The following SNAPC5 variants were observed in gnomAD, a reference collection of about 807,000 sequenced individuals.
SNAPC5 encodes small nuclear RNA activating complex polypeptide 5, also known as snRNA-activating protein complex subunit 5.
Under a neutral mutation model 9.1 loss-of-function variants are expected in SNAPC5, and 12 were observed. That is an observed-to-expected ratio of 1.32 (90% CI 0.85 to 2.15). SNAPC5 has a LOEUF of 2.15. SNAPC5 is among the 30% of genes most tolerant of loss of function. The probability of loss-of-function intolerance (pLI) is 0.00; values close to 1 mark genes in which losing one functional copy is unlikely to be tolerated. For missense variants in SNAPC5, 132 were observed against 114.4 expected, an observed-to-expected ratio of 1.15 and a Z score of -0.70; for synonymous variants, 52 against 47.3, an observed-to-expected ratio of 1.10 and a Z score of -0.41.
Position 66,493,614 on chromosome 15 carries a change from A to G in SNAPC5, c.*822T>C, listed in dbSNP as rs1281929578. 1 of 152,176 alleles carries G rather than the reference A, an allele frequency of 6.6e-6. No individual in the cohort carries two copies. Among genetic ancestry groups the G allele is most frequent in the Non-Finnish European group, 1.5e-5 (1 of 68,062 alleles). The allele number at this position is 152,176 out of a possible 1,614,324, so 9.4% of individuals were successfully genotyped here. A position where few individuals can be genotyped will look rare whatever the true frequency, so the allele number is the denominator to read the frequency against. The stretch of plus-strand genomic sequence containing the variant: ...GGTTGCAGTGAGCCAAAATCGCGCC[A>G]TTGCACTCCAGCCTGGGCAATAAGA... On this transcript the variant is annotated 3_prime_UTR_variant, in exon 3 of 3. Coordinates refer to ENST00000316634, the MANE Select transcript of SNAPC5 (RefSeq NM_001329615.2).
chr15:66,490,317 C>T, downstream of SNAPC5: 1 of 701,880 alleles, frequency 1.4e-6, no homozygotes. Flanking sequence ...CTCACAGCTG[C>T]TGTGACTGGT....
chr15:66,490,655 G>A (rs540533521), downstream of SNAPC5: 52 of 1,515,342 alleles, frequency 3.4e-5, no homozygotes, highest in South Asian at 5.7e-4. Context: ...CCTGCCCGGT[G>A]GTTTGCCATG....
downstream of SNAPC5, among the ~76,000 whole-genome samples, chr15:66,492,988 C>A (rs906158301): frequency 2.6e-5 from 4 of 152,064 alleles, no homozygotes; most frequent in African/African-American, 9.7e-5. Context: ...TAAATTAGAC[C>A]CCCAAAATTT....
intron 1 of SNAPC5, 200 bp downstream of exon 1, chr15:66,497,442 G>T (rs974494120): frequency 1.6e-6 from 1 of 617,890 alleles, no homozygotes; most frequent in Non-Finnish European, 2.9e-6. Flanking sequence ...GATTCTGAAA[G>T]ATAGGGCCTA....
At chr15:66,492,637 AAAAC>A (rs1450491935), downstream of SNAPC5, among the ~76,000 whole-genome samples, 3 of 152,208 alleles carry the variant, frequency 2.0e-5, no homozygotes. Context: ...CCTGGTATCT[AAAAC>A]CTAGATCTGA....
rs1030584678 is a variant in SNAPC5, at chr15:66,494,456, C to T, written c.277G>A (p.Glu93Lys). Residue 93 changes from glutamate to lysine, a missense_variant, in exon 3 of 3, where the codon GAA becomes AAA. Physicochemically the swap from Glu to Lys is moderately conservative, Grantham distance 56 (BLOSUM62 1). Coordinates refer to ENST00000316634, the MANE Select transcript of SNAPC5 (RefSeq NM_001329615.2). ...CTCCTTTAGGAATCTGATTCTTCTT[C>T]CTCTTCCTCCTCCTCCTCTTCCGTC... ...HVTEEEEEEEEEESDS is the reference protein window; with the variant it reads ...HVTEEEEEEEKEESDS 2 of 1,612,450 alleles carry T rather than the reference C, an allele frequency of 1.2e-6. No individual in the cohort carries two copies. Among genetic ancestry groups the T allele is most frequent in the Non-Finnish European group, 1.7e-6 (2 of 1,179,364 alleles).
At chr15:66,490,174 G>A, downstream of SNAPC5, 1 of 518,752 alleles carries the variant, frequency 1.9e-6, no homozygotes, top group South Asian at 2.0e-5. Flanking sequence ...GCCATAGACG[G>A]TGTATATAGT....
downstream of SNAPC5, among the ~76,000 whole-genome samples, chr15:66,493,315 T>C (rs1225569110): frequency 1.3e-5 from 2 of 152,180 alleles, no homozygotes; most frequent in African/African-American, 4.8e-5. Context: ...CAACTTCAGA[T>C]ACTAAGTAAA....
chr15:66,495,701 T>C (rs1023389257), intron 1 of SNAPC5, among the ~76,000 whole-genome samples: 3 of 151,904 alleles, frequency 2.0e-5, no homozygotes, highest in Non-Finnish European at 4.4e-5. Context: ...AGTACAAGTG[T>C]GTCATTAAAA....
intron 1 of SNAPC5, among the ~76,000 whole-genome samples, chr15:66,496,499 G>T (rs1893438720): frequency 6.6e-6 from 1 of 151,260 alleles, no homozygotes; most frequent in Non-Finnish European, 1.5e-5. Flanking sequence ...GCTGAGCAGG[G>T]ATTAGCATAA....
intron 1 of SNAPC5, among the ~76,000 whole-genome samples, chr15:66,496,465 CA>C (rs77738489): frequency 6.7e-6 from 1 of 149,916 alleles, no homozygotes. Context: ...AACTCTGTCT[CA>C]AAAAAAAGAT....
At chr15:66,493,106 T>G (rs1567029913), downstream of SNAPC5, among the ~76,000 whole-genome samples, 2 of 152,244 alleles carry the variant, frequency 1.3e-5, no homozygotes, top group African/African-American at 2.4e-5. Context: ...TCAAAATAAC[T>G]TCAATGAAAT....
At chr15:66,491,813 G>T, downstream of SNAPC5, 1 of 387,742 alleles carries the variant, frequency 2.6e-6, no homozygotes, top group Non-Finnish European at 5.1e-6. Context: ...ATATTCCTTT[G>T]ATCTCTTTTA....
In SNAPC5 at chr15:66,494,336, AG is replaced by A; in HGVS notation, c.*99del. The A allele has an allele frequency of 1.3e-6, 1 of 787,988 alleles. No individual in the cohort carries two copies. The highest frequency in any genetic ancestry group is 1.6e-5 in the South Asian group (1 of 62,242). 48.8% of individuals were successfully genotyped at this position (787,988 alleles called of 1,614,324 possible). A position where few individuals can be genotyped will look rare whatever the true frequency, so the allele number is the denominator to read the frequency against. On this transcript the variant is annotated 3_prime_UTR_variant, in exon 3 of 3. Transcript: ENST00000316634. The stretch of plus-strand genomic sequence containing the variant: ...TATAGTTCTTGCTTTCCTTTCAAGC[AG>A]ATCACAGGGCCCAGGGCAAGATGAT...
chr15:66,490,118 T>C, downstream of SNAPC5: 2 of 519,256 alleles, frequency 3.9e-6, no homozygotes, highest in Non-Finnish European at 7.0e-6. Context: ...GCTGTCTCGT[T>C]TGGTGGCAGT....
At chr15:66,492,070 C>G (rs1893275935), downstream of SNAPC5, 2 of 456,422 alleles carry the variant, frequency 4.4e-6, no homozygotes, top group South Asian at 3.1e-5. Flanking sequence ...AATGGTTTCC[C>G]TTCTTTCACC....
downstream of SNAPC5, chr15:66,490,469 T>A (rs1453328610): frequency 6.8e-7 from 1 of 1,477,542 alleles, no homozygotes; most frequent in Admixed American, 1.7e-5. Flanking sequence ...TGTTTCTTTT[T>A]AACACCACGT....
chr15:66,496,396 C>T (rs544515730), intron 1 of SNAPC5, among the ~76,000 whole-genome samples: 43 of 152,192 alleles, frequency 2.8e-4, no homozygotes, highest in African/African-American at 9.1e-4. Flanking sequence ...ACCCGGGAGG[C>T]GGAGGTTGCA....
intron 2 of SNAPC5, 37 bp from the exon 3 acceptor site, chr15:66,494,589 G>C (rs913012792): frequency 1.4e-6 from 2 of 1,460,734 alleles, no homozygotes; most frequent in African/African-American, 2.8e-5. Context: ...TAGCAGGAAA[G>C]ATGCTGGCCT....
Sources: allele counts gnomAD v4.1 joint callset (sites outside exome capture counted in the v4.1 genomes callset), GRCh38; gene constraint gnomAD v4.1.1; transcripts MANE v1.5; gene names NCBI Gene and HGNC (gene_info 2026-07-23, HGNC 2026-07-21).